The following LONP2 variants were observed in gnomAD, a reference collection of about 807,000 sequenced individuals.
The protein encoded by LONP2 is lon protease homolog 2, peroxisomal.
Under a neutral mutation model 85.6 loss-of-function variants are expected in LONP2, and 60 were observed. The observed-to-expected ratio is 0.70, with a 90% confidence interval of 0.57 to 0.87. The LOEUF is 0.87. Among genes scored for constraint, LONP2 ranks in the 40% least tolerant of loss-of-function variants. LONP2 has a pLI of 0.00. For missense variants in LONP2, 860 were observed against 1,063.5 expected (o/e 0.81, Z 2.66); for synonymous variants, 395 against 389.7 (o/e 1.01, Z -0.16).
intron 6 of LONP2, among the ~76,000 whole-genome samples, chr16:48,266,895 A>G (rs1298466104): frequency 1.3e-5 from 2 of 152,156 alleles, no homozygotes; most frequent in Non-Finnish European, 2.9e-5. Context: ...GTTTGAGACC[A>G]GCATGAGTAA....
chr16:48,339,041 G>C (rs967332379), intron 12 of LONP2, among the ~76,000 whole-genome samples: 4 of 152,150 alleles, frequency 2.6e-5, no homozygotes, highest in African/African-American at 9.7e-5. Context: ...GATATTTAGA[G>C]CCCCAGATAT....
intron 6 of LONP2, 75 bp from the exon 7 acceptor site, chr16:48,269,941 T>C: frequency 6.8e-7 from 1 of 1,477,306 alleles, no homozygotes; most frequent in Non-Finnish European, 9.1e-7. Context: ...TATTTTGCCC[T>C]CGTCATGCTT....
rs150581280 is a variant in LONP2 at position 48,251,471 on chromosome 16, T to C, written c.234-660T>C. 3.4e-3 allele frequency among the ~76,000 whole-genome samples: 522 copies of C among 152,330 alleles called. 3 individuals carry two copies. Among genetic ancestry groups the C allele is most frequent in the Middle Eastern group, 0.017 (5 of 294 alleles). ...CCTTTTCACCTATTGTTAGGTAAAA[T>C]GATTACCACTTAGAACTAGGTTGAG... On this transcript the variant is annotated intron_variant, in intron 1 of 14. Coordinates refer to ENST00000285737, the MANE Select transcript of LONP2 (RefSeq NM_031490.5).
intron 9 of LONP2, among the ~76,000 whole-genome samples, chr16:48,296,507 C>T (rs1039115894): frequency 1.3e-5 from 2 of 152,126 alleles, no homozygotes; most frequent in Admixed American, 1.3e-4. Flanking sequence ...GCAGGTGGAT[C>T]ACTTGAGGTC....
In LONP2 at chr16:48,270,035, A is replaced by G; in HGVS notation, c.1002A>G (p.Ala334=). Residue 334 remains alanine, a synonymous_variant, in exon 7 of 15, where the codon GCA becomes GCG. Coordinates refer to ENST00000285737, the MANE Select transcript of LONP2 (RefSeq NM_031490.5). ...KSTTDRLDIR[A]ARILLDNDHY... ...TGACAGACCGCCTGGACATTAGGGC[A>G]GCCCGGATTCTTCTGGATAATGACC... 2 of 1,613,880 alleles carry G rather than the reference A, an allele frequency of 1.2e-6. No homozygotes were observed. The highest frequency in any genetic ancestry group is 1.7e-6 in the Non-Finnish European group (2 of 1,179,872).
chr16:48,342,191 G>A (rs1168399221), intron 12 of LONP2, among the ~76,000 whole-genome samples: 1 of 152,150 alleles, frequency 6.6e-6, no homozygotes, highest in Non-Finnish European at 1.5e-5. Context: ...GTTGGCTTCT[G>A]ACCATGGTGT....
In LONP2 at chr16:48,328,835, A is replaced by G. The variant is rs1387357176; in HGVS notation, c.1796-5381A>G. On this transcript the variant is annotated intron_variant, in intron 11 of 14. Coordinates refer to ENST00000285737, the MANE Select transcript of LONP2 (RefSeq NM_031490.5). Reference sequence around the variant, plus strand: ...GCTCCAGCCTCTGTCTCAAAAAAAAAAGGGGGGGAGGGGCGGTGGGGGGAG... The same window carrying G: ...GCTCCAGCCTCTGTCTCAAAAAAAAGAGGGGGGGAGGGGCGGTGGGGGGAG... Among the ~76,000 whole-genome samples the G allele has an allele frequency of 7.7e-5, 11 of 142,766 alleles. 1 individual carries two copies. The highest frequency in any genetic ancestry group is 2.3e-4 in the African/African-American group (9 of 39,470). 93.7% of individuals were successfully genotyped at this position (142,766 alleles called of 152,430 possible). A position where few individuals can be genotyped will look rare whatever the true frequency, so the allele number is the denominator to read the frequency against.
intron 11 of LONP2, among the ~76,000 whole-genome samples, chr16:48,327,453 TTTTTG>T (rs1244426634): frequency 1.3e-5 from 2 of 152,136 alleles, no homozygotes; most frequent in African/African-American, 4.8e-5. Context: ...TTACTTAGTT[TTTTTG>T]TTTTGTTTTG....
At chr16:48,260,063 A>G (rs1971842743) in intron 4 of LONP2, among the ~76,000 whole-genome samples, 1 of 152,216 alleles carries the variant, frequency 6.6e-6, no homozygotes, top group African/African-American at 2.4e-5. Flanking sequence ...AAAATGCATT[A>G]AAAAGTGCTT....
At chr16:48,289,229 C>T (rs896191297) in intron 8 of LONP2, among the ~76,000 whole-genome samples, 4 of 152,158 alleles carry the variant, frequency 2.6e-5, no homozygotes, top group African/African-American at 9.7e-5. Flanking sequence ...GACGCGCGCC[C>T]ATGACACAGC....
At chr16:48,262,361 T>C (rs1208090450) in intron 5 of LONP2, among the ~76,000 whole-genome samples, 1 of 152,238 alleles carries the variant, frequency 6.6e-6, no homozygotes, top group Non-Finnish European at 1.5e-5. Flanking sequence ...GTCACTTGAC[T>C]ATCCCTGTGA....
intron 8 of LONP2, among the ~76,000 whole-genome samples, chr16:48,288,820 G>T (rs1404038231): frequency 6.6e-6 from 1 of 152,028 alleles, no homozygotes; most frequent in Non-Finnish European, 1.5e-5. Flanking sequence ...AGCGGAGGGG[G>T]TTAGGGATTC....
chr16:48,288,255 G>A (rs1972489718), intron 8 of LONP2, among the ~76,000 whole-genome samples: 1 of 149,096 alleles, frequency 6.7e-6, no homozygotes, highest in Non-Finnish European at 1.5e-5. Context: ...CCAGGTTCAA[G>A]CGATTCTCCT....
intron 8 of LONP2, among the ~76,000 whole-genome samples, chr16:48,294,458 G>A (rs1029558204): frequency 6.6e-6 from 1 of 152,198 alleles, no homozygotes; most frequent in Non-Finnish European, 1.5e-5. Flanking sequence ...AATTATGTAT[G>A]AGGCCTAGAA....
intron 11 of LONP2, among the ~76,000 whole-genome samples, chr16:48,332,378 C>A (rs750274588): frequency 2.0e-5 from 3 of 152,062 alleles, no homozygotes; most frequent in Non-Finnish European, 2.9e-5. Context: ...GAGTTCAAGA[C>A]CAGCCTGGTC....
At chr16:48,274,529 G>T (rs1305735992) in intron 7 of LONP2, among the ~76,000 whole-genome samples, 1 of 152,016 alleles carries the variant, frequency 6.6e-6, no homozygotes, top group Non-Finnish European at 1.5e-5. Flanking sequence ...AAGAATAATT[G>T]CATTTGTTTA....
intron 1 of LONP2, among the ~76,000 whole-genome samples, chr16:48,250,539 T>G (rs1971615666): frequency 6.6e-6 from 1 of 152,020 alleles, no homozygotes; most frequent in Non-Finnish European, 1.5e-5. Flanking sequence ...AGCAATGACA[T>G]AGCCCAAATA....
chr16:48,250,494 A>T (rs1971613402), intron 1 of LONP2, among the ~76,000 whole-genome samples: 1 of 151,812 alleles, frequency 6.6e-6, no homozygotes, highest in Non-Finnish European at 1.5e-5. Flanking sequence ...AAAAAAAAAC[A>T]AAAAACAAAA....
Position 48,348,170 on chromosome 16 carries a change from A to G in LONP2, c.2217A>G (p.Lys739=), listed in dbSNP as rs540959333. 1 of 1,612,556 alleles carries G rather than the reference A, an allele frequency of 6.2e-7. No homozygotes were observed. The highest frequency in any genetic ancestry group is 2.2e-5 in the East Asian group (1 of 44,848). The part of the protein sequence containing the change: ...HLHFPAGAVT[K]DGPSAGVTIV... The stretch of plus-strand genomic sequence containing the variant: ...ACTTCCCAGCTGGAGCTGTCACAAA[A>G]GATGGACCATCTGCTGGAGTTACCA... The change falls in exon 14 of 15, where the codon AAA becomes AAG. Residue 739 remains lysine, a synonymous_variant. Transcript: ENST00000285737.
Sources: allele counts gnomAD v4.1 joint callset (sites outside exome capture counted in the v4.1 genomes callset), GRCh38; gene constraint gnomAD v4.1.1; transcripts MANE v1.5; gene names NCBI Gene and HGNC (gene_info 2026-07-23, HGNC 2026-07-21).